Variants in GRM5 observed in about 807,000 individuals in gnomAD.
GRM5 encodes the protein glutamate metabotropic receptor 5, also known as metabotropic glutamate receptor 5.
A neutral mutation model predicts 83.1 loss-of-function variants in GRM5; 19 were observed. The observed-to-expected ratio is 0.23, with a 90% CI of 0.16 to 0.34. The LOEUF is 0.34. Ranked by LOEUF, GRM5 falls within the 10% of genes least tolerant of loss-of-function variation. The pLI, the probability that GRM5 is intolerant of heterozygous loss-of-function variation, is 1.00. For missense variants in GRM5, 1,160 were observed against 1,588.3 expected (o/e 0.73, Z 4.58); for synonymous variants, 675 against 633.6 (o/e 1.07, Z -0.98).
rs191188899 is a variant in GRM5, at chr11:88,719,915, G to C, written c.912-66512C>G. On this transcript the variant is annotated intron_variant, in intron 3 of 9. Coordinates refer to ENST00000305447, the MANE Select transcript of GRM5 (RefSeq NM_001143831.3). ...TGCCCACTTTTTAATAGGGTTGTTT[G>C]TCTTTTCCTTGTACATTTGTTTAGG... 2.6e-5 allele frequency among the ~76,000 whole-genome samples: 4 copies of C among 152,088 alleles called. No homozygotes were observed. The East Asian group carries it at 7.7e-4, about 29-fold the overall frequency.
Position 88,545,830 on chromosome 11 carries a change from T to C in GRM5, c.2631-20426A>G, listed in dbSNP as rs568524701. 1.1e-3 allele frequency among the ~76,000 whole-genome samples: 175 copies of C among 152,242 alleles called. 1 individual carries two copies. Among genetic ancestry groups the C allele is most frequent in the African/African-American group, 4.1e-3 (170 of 41,558 alleles). On this transcript the variant is annotated intron_variant, in intron 8 of 9. Coordinates refer to ENST00000305447, the MANE Select transcript of GRM5 (RefSeq NM_001143831.3). ...TATCTTGAACATATTAATCTTATGATGTAACTCCTCTTCTCAAAGCTTCCG... is the reference window on the plus strand; with the variant it reads ...TATCTTGAACATATTAATCTTATGACGTAACTCCTCTTCTCAAAGCTTCCG...
At chr11:88,532,009 C>A (rs1942022557) in intron 8 of GRM5, among the ~76,000 whole-genome samples, 1 of 151,998 alleles carries the variant, frequency 6.6e-6, no homozygotes, top group Non-Finnish European at 1.5e-5. Context: ...CACAGTATAC[C>A]TATTTTACTT....
chr11:88,764,227 G>A (rs958442744), intron 3 of GRM5, among the ~76,000 whole-genome samples: 2 of 151,568 alleles, frequency 1.3e-5, no homozygotes, highest in Non-Finnish European at 3.0e-5. Flanking sequence ...AAAATGAACA[G>A]ATTTAAAGAG....
chr11:88,943,584 A>G (rs1042056868), intron 2 of GRM5, among the ~76,000 whole-genome samples: 1 of 152,024 alleles, frequency 6.6e-6, no homozygotes, highest in African/African-American at 2.4e-5. Context: ...TTTCCTTATA[A>G]GTTAATGATG....
intron 2 of GRM5, among the ~76,000 whole-genome samples, chr11:88,913,610 G>A (rs113698483): frequency 6.4e-5 from 9 of 140,014 alleles, no homozygotes; most frequent in African/African-American, 2.5e-4. Context: ...TTTTTTAGGT[G>A]GAGTCGTGCT....
intron 2 of GRM5, among the ~76,000 whole-genome samples, chr11:88,979,422 T>C (rs770198516): frequency 1.4e-4 from 22 of 152,226 alleles, no homozygotes; most frequent in Non-Finnish European, 2.8e-4. Context: ...AATACATATA[T>C]CAAGTGACAA....
At chr11:88,778,497 C>A (rs551300375) in intron 3 of GRM5, among the ~76,000 whole-genome samples, 8 of 152,332 alleles carry the variant, frequency 5.3e-5, no homozygotes, top group African/African-American at 1.7e-4. Flanking sequence ...CAACCAGGCA[C>A]TTCAGTTGGA....
At chr11:88,835,723 G>A (rs922481761) in intron 3 of GRM5, among the ~76,000 whole-genome samples, 1 of 152,186 alleles carries the variant, frequency 6.6e-6, no homozygotes, top group Non-Finnish European at 1.5e-5. Context: ...TAGCAAATGA[G>A]AGGTGTAAAA....
At chr11:88,894,501 C>T (rs916995420) in intron 2 of GRM5, among the ~76,000 whole-genome samples, 17 of 151,950 alleles carry the variant, frequency 1.1e-4, no homozygotes, top group Non-Finnish European at 2.5e-4. Flanking sequence ...CTGCCTATGG[C>T]ACTAAGGTAC....
At chr11:88,525,195 G>A in intron 9 of GRM5, 114 bp downstream of exon 9, 3 of 694,194 alleles carry the variant, frequency 4.3e-6, no homozygotes, top group Admixed American at 2.3e-5. Context: ...GCCTGGGTTG[G>A]ACACACTGTA....
At chr11:88,740,724 C>G (rs1942010219) in intron 3 of GRM5, among the ~76,000 whole-genome samples, 1 of 152,054 alleles carries the variant, frequency 6.6e-6, no homozygotes, top group South Asian at 2.1e-4. Flanking sequence ...TTTTCTCTCT[C>G]TCATCATTAG....
intron 3 of GRM5, among the ~76,000 whole-genome samples, chr11:88,817,811 G>A (rs1036130753): frequency 3.3e-5 from 5 of 152,006 alleles, no homozygotes; most frequent in Admixed American, 3.3e-4. Context: ...GAAAAATGAG[G>A]TTTAAATAAA....
chr11:88,540,188 G>A (rs148592991), intron 8 of GRM5, among the ~76,000 whole-genome samples: 171 of 152,146 alleles, frequency 1.1e-3, no homozygotes, highest in Admixed American at 1.6e-3. Context: ...AATTCATTCC[G>A]TTTGCCACCC....
intron 2 of GRM5, among the ~76,000 whole-genome samples, chr11:88,954,298 T>C (rs148205453): frequency 6.6e-4 from 101 of 152,264 alleles, no homozygotes; most frequent in Middle Eastern, 3.4e-3. Context: ...AGCTTTTCAT[T>C]GACCTCATGA....
At chr11:88,699,477 T>C (rs1334399548) in intron 3 of GRM5, among the ~76,000 whole-genome samples, 2 of 152,264 alleles carry the variant, frequency 1.3e-5, no homozygotes, top group East Asian at 3.9e-4. Context: ...CCAGGAGTGT[T>C]GATTGCTGAC....
At chr11:88,866,511 C>A (rs1310165947) in intron 2 of GRM5, among the ~76,000 whole-genome samples, 2 of 151,762 alleles carry the variant, frequency 1.3e-5, no homozygotes, top group African/African-American at 4.8e-5. Flanking sequence ...TGTAACAAAC[C>A]TGCACATTCT....
intron 3 of GRM5, among the ~76,000 whole-genome samples, chr11:88,830,432 C>T (rs927892944): frequency 6.6e-6 from 1 of 152,150 alleles, no homozygotes; most frequent in South Asian, 2.1e-4. Flanking sequence ...AATCTCCAAG[C>T]AAATGGATAA....
chr11:88,820,374 CAAAAA>C (rs11457342), intron 3 of GRM5, among the ~76,000 whole-genome samples: 6 of 68,948 alleles, frequency 8.7e-5, no homozygotes, highest in African/African-American at 1.8e-4. Flanking sequence ...AACTCCATCT[CAAAAA>C]AAAAAAAAAA....
At chr11:88,691,042 T>C (rs534235961) in intron 3 of GRM5, among the ~76,000 whole-genome samples, 1 of 152,292 alleles carries the variant, frequency 6.6e-6, no homozygotes, top group South Asian at 2.1e-4. Context: ...TAAGGTCTTC[T>C]GTAAATAAGT....
Sources: allele counts gnomAD v4.1 joint callset (sites outside exome capture counted in the v4.1 genomes callset), GRCh38; gene constraint gnomAD v4.1.1; transcripts MANE v1.5; gene names NCBI Gene and HGNC (gene_info 2026-07-23, HGNC 2026-07-21).